Variants in FARP1 observed in about 807,000 individuals in gnomAD.
The protein encoded by FARP1 is FERM, ARH/RhoGEF and pleckstrin domain protein 1, also known as FERM, ARHGEF and pleckstrin domain-containing protein 1.
In FARP1, 52 loss-of-function variants were observed where a neutral mutation model predicts 128.8. That is an observed-to-expected ratio of 0.40 (90% CI 0.32 to 0.51). The LOEUF is 0.51. Ranked by LOEUF, FARP1 falls within the 20% of genes least tolerant of loss-of-function variation. FARP1 has a pLI of 0.45. For missense variants in FARP1, 1,333 were observed against 1,367.9 expected (o/e 0.97, Z 0.40); for synonymous variants, 580 against 551.8 (o/e 1.05, Z -0.72).
intron 25 of FARP1, 173 bp from the exon 26 acceptor site, chr13:98,446,493 C>T (rs1218446804): frequency 1.5e-6 from 1 of 664,946 alleles, no homozygotes; most frequent in Non-Finnish European, 2.6e-6. Flanking sequence ...GCGGGACTTG[C>T]CACCCGGGCC....
chr13:98,327,798 C>T (rs1474489661), intron 2 of FARP1, among the ~76,000 whole-genome samples: 3 of 152,078 alleles, frequency 2.0e-5, no homozygotes, highest in African/African-American at 4.8e-5. Flanking sequence ...CATAAAGGGT[C>T]GCAGCCTGCA....
At chr13:98,296,521 G>A (rs28408749) in intron 2 of FARP1, among the ~76,000 whole-genome samples, 4 of 146,860 alleles carry the variant, frequency 2.7e-5, no homozygotes, top group East Asian at 4.1e-4. Context: ...GGGACCCCCC[G>A]CTCTTCATGC....
In FARP1 at chr13:98,413,990, C is replaced by A. The variant is rs192609176; in HGVS notation, c.1826+1956C>A. On this transcript the variant is annotated intron_variant, in intron 16 of 26. Coordinates refer to ENST00000319562, the MANE Select transcript of FARP1 (RefSeq NM_005766.4). ...CAGGAAATGTCATCAGTTTGCAGTACCCTGAAAGCCCTTCATGGTGGCTTT... is the reference window on the plus strand; with the variant it reads ...CAGGAAATGTCATCAGTTTGCAGTAACCTGAAAGCCCTTCATGGTGGCTTT... Among the ~76,000 whole-genome samples, 9 of 152,266 alleles carry A rather than the reference C, an allele frequency of 5.9e-5. No individual in the cohort carries two copies. In the East Asian group the frequency reaches 1.2e-3, roughly 20 times the overall value.
intron 1 of FARP1, among the ~76,000 whole-genome samples, chr13:98,166,323 G>A (rs972432875): frequency 6.6e-6 from 1 of 152,160 alleles, no homozygotes. Flanking sequence ...GGCTGTATTT[G>A]TTTTTAATAT....
chr13:98,243,689 T>A (rs1034394726), intron 2 of FARP1, among the ~76,000 whole-genome samples: 1 of 113,466 alleles, frequency 8.8e-6, no homozygotes, highest in Admixed American at 1.1e-4. Context: ...AGAGAGAGAC[T>A]CCATCTCAAA....
chr13:98,283,682 A>C lies in FARP1; in HGVS notation c.172-60080A>C, dbSNP rs545205494. On this transcript the variant is annotated intron_variant, in intron 2 of 26. Coordinates refer to ENST00000319562, the MANE Select transcript of FARP1 (RefSeq NM_005766.4). ...ACCCTGAAGGTTGTGCTCTTCTATA[A>C]TTAGCATATACCTTTAAGTGAAATT... is the stretch of plus-strand genomic sequence containing the variant. Among the ~76,000 whole-genome samples, 359 of 152,058 alleles carry C rather than the reference A, an allele frequency of 2.4e-3. 2 individuals carry two copies. Among genetic ancestry groups the C allele is most frequent in the African/African-American group, 8.1e-3 (337 of 41,582 alleles).
chr13:98,268,806 GTGTGTGTGTGTGTA>G (rs1386065804), intron 2 of FARP1, among the ~76,000 whole-genome samples: 1 of 150,520 alleles, frequency 6.6e-6, no homozygotes, highest in Non-Finnish European at 1.5e-5. Flanking sequence ...GTGTGTGTGT[GTGTGTGTGTGTGTA>G]TACAGCTTCC....
At chr13:98,440,559 C>T in intron 23 of FARP1, 111 bp from the exon 24 acceptor site, 1 of 1,153,194 alleles carries the variant, frequency 8.7e-7, no homozygotes, top group Non-Finnish European at 1.2e-6. Context: ...TGGTTGGGCA[C>T]CACAGGTTGT....
At chr13:98,235,626 G>A (rs1208049753) in intron 2 of FARP1, among the ~76,000 whole-genome samples, 2 of 152,062 alleles carry the variant, frequency 1.3e-5, no homozygotes, top group African/African-American at 2.4e-5. Flanking sequence ...TTAAGTACAC[G>A]TTTCACTAGT....
rs1262584388 is a variant in FARP1 at position 98,339,271 on chromosome 13, A to G, written c.172-4491A>G. ...AACTTACAGTCACGGTAGAAGGTGA[A>G]GGAGAATAAGCACGTTTTACCATGG... On this transcript the variant is annotated intron_variant, in intron 2 of 26. Transcript: ENST00000319562. Among the ~76,000 whole-genome samples, 26 of 152,204 alleles carry G rather than the reference A, an allele frequency of 1.7e-4. 1 individual carries two copies. The highest frequency in any genetic ancestry group is 1.6e-3 in the Admixed American group (25 of 15,286).
At chr13:98,143,018 C>T (rs1183303874), upstream of FARP1, 4 of 148,318 alleles carry the variant, frequency 2.7e-5, no homozygotes, top group Admixed American at 6.7e-5. Flanking sequence ...CCCGCGTCCC[C>T]GCTGCTCGGG....
intron 2 of FARP1, among the ~76,000 whole-genome samples, chr13:98,301,482 C>T (rs1349486018): frequency 1.3e-5 from 2 of 152,128 alleles, no homozygotes; most frequent in African/African-American, 2.4e-5. Context: ...ATGTGTGGCT[C>T]GTTCTCTTCT....
chr13:98,384,965 G>A, intron 7 of FARP1, 121 bp downstream of exon 7: 1 of 651,030 alleles, frequency 1.5e-6, no homozygotes, highest in Non-Finnish European at 2.7e-6. Flanking sequence ...CAAAGCGTGA[G>A]GAAAGAAGAT....
intron 1 of FARP1, among the ~76,000 whole-genome samples, chr13:98,194,209 T>C (rs919153588): frequency 3.3e-5 from 5 of 152,110 alleles, no homozygotes; most frequent in Admixed American, 3.3e-4. Flanking sequence ...CTCCGCCTCC[T>C]GGGTTCAAGC....
chr13:98,167,250 C>G (rs1233760091), intron 1 of FARP1, among the ~76,000 whole-genome samples: 1 of 152,004 alleles, frequency 6.6e-6, no homozygotes, highest in Non-Finnish European at 1.5e-5. Flanking sequence ...TATAGGCGTT[C>G]CTTTGTATAT....
chr13:98,349,286 C>G (rs1888306000), intron 3 of FARP1, among the ~76,000 whole-genome samples: 2 of 152,224 alleles, frequency 1.3e-5, no homozygotes, highest in African/African-American at 4.8e-5. Context: ...CAGCAGGTCT[C>G]ATGGCACATA....
At chr13:98,336,058 C>G (rs2139846316) in intron 2 of FARP1, among the ~76,000 whole-genome samples, 1 of 152,248 alleles carries the variant, frequency 6.6e-6, no homozygotes, top group East Asian at 1.9e-4. Context: ...AGTACTTTAG[C>G]TCTCTCAGGT....
At chr13:98,413,046 G>A (rs988435847) in intron 16 of FARP1, among the ~76,000 whole-genome samples, 19 of 151,248 alleles carry the variant, frequency 1.3e-4, no homozygotes, top group Non-Finnish European at 2.4e-4. Flanking sequence ...GCATTCAAGC[G>A]TCGGTTTAAC....
intron 2 of FARP1, among the ~76,000 whole-genome samples, chr13:98,217,661 C>T (rs1051639741): frequency 1.3e-5 from 2 of 152,150 alleles, no homozygotes; most frequent in African/African-American, 2.4e-5. Flanking sequence ...TGGGCAACTC[C>T]CATGGCTCAT....
Sources: allele counts gnomAD v4.1 joint callset (sites outside exome capture counted in the v4.1 genomes callset), GRCh38; gene constraint gnomAD v4.1.1; transcripts MANE v1.5; gene names NCBI Gene and HGNC (gene_info 2026-07-23, HGNC 2026-07-21).